NUDCD2: variants seen among roughly 807,000 people sequenced by gnomAD.
NUDCD2 encodes the protein NudC domain containing 2.
A neutral mutation model predicts 20.8 loss-of-function variants in NUDCD2; 16 were observed. The ratio of observed to expected loss-of-function variants is 0.77; its 90% CI spans 0.52 to 1.17. NUDCD2 has a LOEUF of 1.17. Ranked by LOEUF, NUDCD2 falls within the 50% of genes most tolerant of loss-of-function variation. The pLI is 0.00. For synonymous variants in NUDCD2, 87 were observed against 72.8 expected (o/e 1.20, Z -1.00); for missense variants, 199 against 193.9 (o/e 1.03, Z -0.16).
At chr5:163,456,681 T>C (rs895740426) in intron 3 of NUDCD2, among the ~76,000 whole-genome samples, 2 of 152,198 alleles carry the variant, frequency 1.3e-5, no homozygotes, top group Non-Finnish European at 2.9e-5. Context: ...TATTCATGCA[T>C]TACTGATGTA....
rs978754340 is a variant in NUDCD2, at chr5:163,450,137, T to A, written c.*3830A>T. The A allele has an allele frequency of 6.6e-6, 1 of 152,198 alleles. No homozygotes were observed. Among genetic ancestry groups the A allele is most frequent in the African/African-American group, 2.4e-5 (1 of 41,430 alleles). The allele number at this position is 152,198 out of a possible 1,614,324, so 9.4% of individuals were successfully genotyped here. A position where few individuals can be genotyped will look rare whatever the true frequency, so the allele number is the denominator to read the frequency against. On this transcript the variant is annotated 3_prime_UTR_variant, in exon 4 of 4. Coordinates refer to ENST00000302764, the MANE Select transcript of NUDCD2 (RefSeq NM_145266.6). ...TGGGCTGGGAGTGGTGGTGCACACC[T>A]GTAGTCCCAGCTACTTGGGAGACTG...
rs1224187983 is a variant in NUDCD2 at position 163,447,747 on chromosome 5, T to C, written c.*6220A>G. 2 of 152,140 alleles carry C rather than the reference T, an allele frequency of 1.3e-5. No homozygotes were observed. Among genetic ancestry groups the C allele is most frequent in the East Asian group, 1.9e-4 (1 of 5,198 alleles). 9.4% of individuals were successfully genotyped at this position (152,140 alleles called of 1,614,324 possible). On this transcript the variant is annotated 3_prime_UTR_variant, in exon 4 of 4. Coordinates refer to ENST00000302764, the MANE Select transcript of NUDCD2 (RefSeq NM_145266.6). Reference sequence around the variant, plus strand: ...CAAATTTAAAAGAGATGAAATCATATAAAATATGTTTTTTGACCATAATCT... The same window carrying C: ...CAAATTTAAAAGAGATGAAATCATACAAAATATGTTTTTTGACCATAATCT...
chr5:163,453,204 A>G lies in NUDCD2; in HGVS notation c.*763T>C, dbSNP rs1317640911. On this transcript the variant is annotated 3_prime_UTR_variant, in exon 4 of 4. Coordinates refer to ENST00000302764, the MANE Select transcript of NUDCD2 (RefSeq NM_145266.6). ...AAGAGTTAAAAAGGGCAAAAAATAA[A>G]AAGGACATAAATAGGATATTGAATA... The G allele has an allele frequency of 6.6e-6, 1 of 152,244 alleles. No individual in the cohort carries two copies. The highest frequency in any genetic ancestry group is 2.4e-5 in the African/African-American group (1 of 41,472). 9.4% of individuals were successfully genotyped at this position (152,244 alleles called of 1,614,324 possible).
At position 163,447,412 on chromosome 5, in the gene NUDCD2, C is replaced by G. The variant is rs185209583; in HGVS notation, c.*6555G>C. The G allele has an allele frequency of 4.4e-4, 64 of 146,266 alleles. No homozygotes were observed. Among genetic ancestry groups the G allele is most frequent in the African/African-American group, 1.6e-3 (63 of 39,580 alleles). The allele number at this position is 146,266 out of a possible 1,614,324, so 9.1% of individuals were successfully genotyped here. On this transcript the variant is annotated 3_prime_UTR_variant, in exon 4 of 4. Transcript: ENST00000302764. ...GCTGCAGTGAAGCATGACAGAGTTG[C>G]TATGCTCCAGCCTGAGTGACAGGGT... is the stretch of plus-strand genomic sequence containing the variant.
chr5:163,449,123 A>C lies in NUDCD2; in HGVS notation c.*4844T>G, dbSNP rs1758114623. 5 of 152,342 alleles carry C rather than the reference A, an allele frequency of 3.3e-5. No individual in the cohort carries two copies. The highest frequency in any genetic ancestry group is 9.6e-5 in the African/African-American group (4 of 41,584). 9.4% of individuals were successfully genotyped at this position (152,342 alleles called of 1,614,324 possible). On this transcript the variant is annotated 3_prime_UTR_variant, in exon 4 of 4. Transcript: ENST00000302764. ...AATCATAGACTAAAAAGAATAAAAT[A>C]AAACTGTTCCTATTCGTAGTTTATG...
Position 163,457,042 on chromosome 5 carries a change from T to C in NUDCD2, c.277A>G (p.Lys93Glu). 6.2e-7 allele frequency: 1 copy of C among 1,613,214 alleles called. No individual in the cohort carries two copies. Among genetic ancestry groups the C allele is most frequent in the South Asian group, 1.1e-5 (1 of 90,972 alleles). ...KMVRIVLTKT[K>E]RDAANCWTSL... ...GTCCAACAATTTGCTGCATCTCTCTTTGTCTTTGTAAGAACAATACGAACC... is the reference window on the plus strand; with the variant it reads ...GTCCAACAATTTGCTGCATCTCTCTCTGTCTTTGTAAGAACAATACGAACC... The change falls in exon 3 of 4, where the codon AAG (lysine) becomes GAG (glutamate). Residue 93 changes from lysine (K) to glutamate (E), a missense_variant. Lys to Glu is a moderately conservative substitution (Grantham distance 56, BLOSUM62 1). Transcript: ENST00000302764.
rs1274287210 is a variant in NUDCD2, at chr5:163,451,539, T to G, written c.*2428A>C. ...GTTAATTTTACTTTACTCAAAAAATTTTGTTAAATGTCAAAGAGAATAAAA... is the reference window on the plus strand; with the variant it reads ...GTTAATTTTACTTTACTCAAAAAATGTTGTTAAATGTCAAAGAGAATAAAA... On this transcript the variant is annotated 3_prime_UTR_variant, in exon 4 of 4. Coordinates refer to ENST00000302764, the MANE Select transcript of NUDCD2 (RefSeq NM_145266.6). 6.6e-6 allele frequency: 1 copy of G among 152,116 alleles called. No homozygotes were observed. Among genetic ancestry groups the G allele is most frequent in the Non-Finnish European group, 1.5e-5 (1 of 68,012 alleles). 9.4% of individuals were successfully genotyped at this position (152,116 alleles called of 1,614,324 possible). A position where few individuals can be genotyped will look rare whatever the true frequency, so the allele number is the denominator to read the frequency against.
Position 163,446,869 on chromosome 5 carries a change from G to C in NUDCD2, c.*7098C>G, listed in dbSNP as rs981674350. The stretch of plus-strand genomic sequence containing the variant: ...ATCTCTACTAAAAATACAAAAATCA[G>C]CTGGGTGTGGTGGCGCATGCCTGTA... On this transcript the variant is annotated 3_prime_UTR_variant, in exon 4 of 4. Coordinates refer to ENST00000302764, the MANE Select transcript of NUDCD2 (RefSeq NM_145266.6). 6.6e-6 allele frequency: 1 copy of C among 152,110 alleles called. No individual in the cohort carries two copies. Among genetic ancestry groups the C allele is most frequent in the Non-Finnish European group, 1.5e-5 (1 of 68,080 alleles). The allele number at this position is 152,110 out of a possible 1,614,324, so 9.4% of individuals were successfully genotyped here.
chr5:163,456,419 AAAGAAT>A (rs1300415533), intron 3 of NUDCD2, among the ~76,000 whole-genome samples: 1 of 152,218 alleles, frequency 6.6e-6, no homozygotes, highest in Non-Finnish European at 1.5e-5. Flanking sequence ...AAGCAGTTAA[AAAGAAT>A]GAGTTTTATA....
Position 163,449,950 on chromosome 5 carries a change from T to C in NUDCD2, c.*4017A>G, listed in dbSNP as rs992314374. 1 of 152,162 alleles carries C rather than the reference T, an allele frequency of 6.6e-6. No individual in the cohort carries two copies. The highest frequency in any genetic ancestry group is 2.4e-5 in the African/African-American group (1 of 41,430). 9.4% of individuals were successfully genotyped at this position (152,162 alleles called of 1,614,324 possible). A position where few individuals can be genotyped will look rare whatever the true frequency, so the allele number is the denominator to read the frequency against. On this transcript the variant is annotated 3_prime_UTR_variant, in exon 4 of 4. Coordinates refer to ENST00000302764, the MANE Select transcript of NUDCD2 (RefSeq NM_145266.6). ...TAAATGTAGAACTAAATTTATAAAA[T>C]TTTTAGAAGAAAAAAATCCATAGGC...
chr5:163,449,623 G>T lies in NUDCD2; in HGVS notation c.*4344C>A, dbSNP rs1452826036. On this transcript the variant is annotated 3_prime_UTR_variant, in exon 4 of 4. Transcript: ENST00000302764. ...AATTAGCCAAAACAATTTTGAAAAA[G>T]ATTTCAAAAAAATTTTGAAGGAATC... 6.6e-6 allele frequency: 1 copy of T among 152,068 alleles called. No individual in the cohort carries two copies. The highest frequency in any genetic ancestry group is 6.5e-5 in the Admixed American group (1 of 15,276). 9.4% of individuals were successfully genotyped at this position (152,068 alleles called of 1,614,324 possible).
chr5:163,456,312 C>A (rs1758308798), intron 3 of NUDCD2, among the ~76,000 whole-genome samples: 1 of 152,146 alleles, frequency 6.6e-6, no homozygotes, highest in Non-Finnish European at 1.5e-5. Context: ...GATGAAAGCA[C>A]AGCTTTCTTT....
chr5:163,455,658 G>A (rs909126604), intron 3 of NUDCD2, among the ~76,000 whole-genome samples: 1 of 151,946 alleles, frequency 6.6e-6, no homozygotes, highest in East Asian at 1.9e-4. Flanking sequence ...CAGCTACTCG[G>A]GAGGCTGAGG....
intron 3 of NUDCD2, among the ~76,000 whole-genome samples, chr5:163,456,117 G>A (rs142544754): frequency 6.6e-6 from 1 of 152,274 alleles, no homozygotes; most frequent in African/African-American, 2.4e-5. Flanking sequence ...TAGATAGCCA[G>A]GTGGAGATGT....
At chr5:163,454,611 G>A (rs1581178144) in intron 3 of NUDCD2, among the ~76,000 whole-genome samples, 1 of 152,218 alleles carries the variant, frequency 6.6e-6, no homozygotes, top group Non-Finnish European at 1.5e-5. Context: ...AAAGTGCTGG[G>A]ATTACAGGCG....
At chr5:163,458,522 T>C (rs955345915) in intron 1 of NUDCD2, among the ~76,000 whole-genome samples, 16 of 152,110 alleles carry the variant, frequency 1.1e-4, no homozygotes, top group Non-Finnish European at 1.8e-4. Context: ...CCCCATGGGT[T>C]TGAGGCTGCT....
Position 163,451,485 on chromosome 5 carries a change from T to C in NUDCD2, c.*2482A>G. The C allele has an allele frequency of 6.6e-6, 1 of 152,172 alleles. No individual in the cohort carries two copies. Among genetic ancestry groups the C allele is most frequent in the South Asian group, 2.1e-4 (1 of 4,828 alleles). 9.4% of individuals were successfully genotyped at this position (152,172 alleles called of 1,614,324 possible). On this transcript the variant is annotated 3_prime_UTR_variant, in exon 4 of 4. Transcript: ENST00000302764. ...GGAGGTGTTTACACATATCTATACTTAAAATTCACCAAACCATACACCAAA... is the reference window on the plus strand; with the variant it reads ...GGAGGTGTTTACACATATCTATACTCAAAATTCACCAAACCATACACCAAA...
In NUDCD2 at chr5:163,450,198, T is replaced by G. The variant is rs1252287445; in HGVS notation, c.*3769A>C. 6.6e-6 allele frequency: 1 copy of G among 152,082 alleles called. No individual in the cohort carries two copies. Among genetic ancestry groups the G allele is most frequent in the East Asian group, 1.9e-4 (1 of 5,178 alleles). The allele number at this position is 152,082 out of a possible 1,614,324, so 9.4% of individuals were successfully genotyped here. On this transcript the variant is annotated 3_prime_UTR_variant, in exon 4 of 4. Coordinates refer to ENST00000302764, the MANE Select transcript of NUDCD2 (RefSeq NM_145266.6). The stretch of plus-strand genomic sequence containing the variant: ...ATCACTTGAACCCAGCAGGCAGAGG[T>G]TGCAGTGAGTGGAGATTGTGCCACT...
Position 163,457,091 on chromosome 5 carries a change from AAC to A in NUDCD2, c.239-13_239-12del, listed in dbSNP as rs113515886. On this transcript the variant is annotated splice_polypyrimidine_tract_variant and intron_variant, in intron 2 of 3. Transcript: ENST00000302764. The stretch of plus-strand genomic sequence containing the variant: ...CCATTTTTCTGTCCTCTAAAAAAAA[AAC>A]ACACACACACACACGCACAAATAAA... 1.9e-3 allele frequency: 2,752 copies of A among 1,427,140 alleles called. No homozygotes were observed. Among genetic ancestry groups the A allele is most frequent in the South Asian group, 3.2e-3 (249 of 76,948 alleles). 88.4% of individuals were successfully genotyped at this position (1,427,140 alleles called of 1,614,324 possible).
Sources: allele counts gnomAD v4.1 joint callset (sites outside exome capture counted in the v4.1 genomes callset), GRCh38; gene constraint gnomAD v4.1.1; transcripts MANE v1.5; gene names NCBI Gene and HGNC (gene_info 2026-07-23, HGNC 2026-07-21).